The following ARFGEF3 variants were observed in gnomAD, a reference collection of about 807,000 sequenced individuals.
ARFGEF3 encodes the protein brefeldin A-inhibited guanine nucleotide-exchange protein 3.
In ARFGEF3, 96 loss-of-function variants were observed where a neutral mutation model predicts 221.7. The observed-to-expected ratio is 0.43, with a 90% confidence interval of 0.37 to 0.51. ARFGEF3 has a LOEUF of 0.51. Among genes scored for constraint, ARFGEF3 ranks in the 20% least tolerant of loss-of-function variants. The pLI, the probability that ARFGEF3 is intolerant of heterozygous loss-of-function variation, is 0.00. For missense variants in ARFGEF3, 2,410 were observed against 2,789.9 expected (o/e 0.86, Z 3.07); for synonymous variants, 1,145 against 1,126.8 (o/e 1.02, Z -0.32).
rs113417649 is a variant in ARFGEF3, at chr6:138,284,121, G to A, written c.2462-1825G>A. Among the ~76,000 whole-genome samples the A allele has an allele frequency of 5.3e-3, 800 of 152,158 alleles. 8 individuals carry two copies. The highest frequency in any genetic ancestry group is 0.018 in the African/African-American group (742 of 41,494). On this transcript the variant is annotated intron_variant, in intron 14 of 33. Transcript: ENST00000251691. ...GGAGTTAGAGGCCAGCTTGGCCTTC[G>A]TGGTGAAACCCCGTCTCTATTAAAA... is the stretch of plus-strand genomic sequence containing the variant.
chr6:138,172,193 G>A lies in ARFGEF3; in HGVS notation c.137+1480G>A, dbSNP rs578252016. Among the ~76,000 whole-genome samples the A allele has an allele frequency of 1.2e-4, 18 of 152,302 alleles. No homozygotes were observed. The South Asian group carries it at 1.2e-3, about 11-fold the overall frequency. On this transcript the variant is annotated intron_variant, in intron 2 of 33. Transcript: ENST00000251691. The stretch of plus-strand genomic sequence containing the variant: ...TCTGGCAACAACATGTTTGTCTAGC[G>A]GAGAGGTGGTGCAGCTGGGATGTCC...
Position 138,344,501 on chromosome 6 carries a change from T to C in ARFGEF3, c.*8015T>C, listed in dbSNP as rs1780481672. 6.6e-6 allele frequency: 1 copy of C among 152,208 alleles called. No homozygotes were observed. Among genetic ancestry groups the C allele is most frequent in the African/African-American group, 2.4e-5 (1 of 41,456 alleles). The allele number at this position is 152,208 out of a possible 1,614,324, so 9.4% of individuals were successfully genotyped here. ...GTCTCTGTAAGCAAGCTTGCAAGTG[T>C]ATTTTGTGTACATTTTATCTGAGGT... On this transcript the variant is annotated 3_prime_UTR_variant, in exon 34 of 34. Coordinates refer to ENST00000251691, the MANE Select transcript of ARFGEF3 (RefSeq NM_020340.5).
At chr6:138,323,211 T>C (rs896414526) in intron 29 of ARFGEF3, among the ~76,000 whole-genome samples, 27 of 152,132 alleles carry the variant, frequency 1.8e-4, no homozygotes, top group African/African-American at 6.3e-4. Context: ...ATTTTGACAA[T>C]GGAATACTGG....
intron 5 of ARFGEF3, among the ~76,000 whole-genome samples, chr6:138,232,228 T>C (rs1778206033): frequency 1.3e-5 from 2 of 152,146 alleles, no homozygotes; most frequent in Admixed American, 6.6e-5. Context: ...AAGGTGGGGC[T>C]GGGCACGGTG....
chr6:138,224,644 C>T (rs1262432065), intron 4 of ARFGEF3, among the ~76,000 whole-genome samples: 1 of 152,220 alleles, frequency 6.6e-6, no homozygotes, highest in Non-Finnish European at 1.5e-5. Context: ...GGCCCAGCTG[C>T]TCCTAGCACC....
intron 5 of ARFGEF3, among the ~76,000 whole-genome samples, chr6:138,231,427 C>T (rs1372671347): frequency 6.6e-6 from 1 of 152,140 alleles, no homozygotes; most frequent in Non-Finnish European, 1.5e-5. Context: ...GAAGCCGGCT[C>T]TACACTGCCT....
chr6:138,206,520 TTATA>T (rs760904511), intron 2 of ARFGEF3, among the ~76,000 whole-genome samples: 4 of 152,166 alleles, frequency 2.6e-5, no homozygotes, highest in Non-Finnish European at 5.9e-5. Flanking sequence ...AATGTTAAAT[TTATA>T]AATTGTTGAA....
At chr6:138,242,273 AGTC>A (rs1778405751) in intron 6 of ARFGEF3, among the ~76,000 whole-genome samples, 1 of 152,238 alleles carries the variant, frequency 6.6e-6, no homozygotes, top group African/African-American at 2.4e-5. Context: ...TCTTCTCAGT[AGTC>A]ACTGAGTTAT....
In ARFGEF3 at chr6:138,335,102, C is replaced by G. The variant is rs1239639125; in HGVS notation, c.6256C>G (p.Leu2086Val). The G allele has an allele frequency of 6.2e-7, 1 of 1,601,650 alleles. No homozygotes were observed. The highest frequency in any genetic ancestry group is 1.1e-5 in the South Asian group (1 of 88,318). ...GCATTCCTTCAGCGCAGGCCCCGAGCTGCTGCGACAGGACAAGAGGCCCCG... is the reference window on the plus strand; with the variant it reads ...GCATTCCTTCAGCGCAGGCCCCGAGGTGCTGCGACAGGACAAGAGGCCCCG... ...MRHSFSAGPE[L>V]LRQDKRPRSG... Residue 2086 changes from leucine (L) to valine (V), a missense_variant, in exon 33 of 34, where the codon CTG (leucine) becomes GTG (valine). Leu to Val is a conservative substitution (Grantham distance 32, BLOSUM62 1). This residue lies in a region of ARFGEF3 where 339 missense variants were observed against 334.9 expected (regional missense o/e 1.01). Transcript: ENST00000251691.
At chr6:138,173,376 A>G (rs568854014) in intron 2 of ARFGEF3, among the ~76,000 whole-genome samples, 1 of 152,274 alleles carries the variant, frequency 6.6e-6, no homozygotes, top group East Asian at 1.9e-4. Flanking sequence ...AGTTTGATAA[A>G]CTCTGCTCTA....
chr6:138,312,544 C>T (rs1779848575), intron 25 of ARFGEF3, among the ~76,000 whole-genome samples: 1 of 152,120 alleles, frequency 6.6e-6, no homozygotes, highest in Non-Finnish European at 1.5e-5. Flanking sequence ...TCTGCCCTCC[C>T]GGAAATACAC....
At chr6:138,275,577 T>G (rs924342181) in intron 12 of ARFGEF3, among the ~76,000 whole-genome samples, 4 of 151,772 alleles carry the variant, frequency 2.6e-5, no homozygotes, top group Non-Finnish European at 5.9e-5. Flanking sequence ...AACCCTGTCT[T>G]TACTAAAAAT....
intron 2 of ARFGEF3, among the ~76,000 whole-genome samples, chr6:138,181,049 A>G (rs1026262846): frequency 1.3e-5 from 2 of 152,246 alleles, no homozygotes; most frequent in Non-Finnish European, 2.9e-5. Flanking sequence ...TCTGTGGGCT[A>G]TCTGCCAGTT....
chr6:138,307,146 C>A, intron 22 of ARFGEF3, 107 bp from the exon 23 acceptor site: 1 of 1,184,052 alleles, frequency 8.4e-7, no homozygotes, highest in Non-Finnish European at 1.2e-6. Context: ...TTCCTTTTCA[C>A]TAAAATTAAC....
intron 32 of ARFGEF3, among the ~76,000 whole-genome samples, chr6:138,328,523 T>A (rs1780165901): frequency 6.6e-6 from 1 of 152,138 alleles, no homozygotes; most frequent in African/African-American, 2.4e-5. Flanking sequence ...CTCAATTTCC[T>A]CCTCTTATAG....
chr6:138,229,010 A>C (rs1320580883), intron 4 of ARFGEF3, among the ~76,000 whole-genome samples: 1 of 152,258 alleles, frequency 6.6e-6, no homozygotes, highest in East Asian at 1.9e-4. Context: ...TGTTCCCTAA[A>C]GGCTCTACAA....
At chr6:138,232,113 A>G (rs866908240) in intron 5 of ARFGEF3, among the ~76,000 whole-genome samples, 3 of 152,214 alleles carry the variant, frequency 2.0e-5, no homozygotes, top group African/African-American at 4.8e-5. Flanking sequence ...TTCTGTTAAT[A>G]TTAACCCCAG....
At chr6:138,218,298 G>A in intron 4 of ARFGEF3, 1 of 1,584,956 alleles carries the variant, frequency 6.3e-7, no homozygotes, top group Non-Finnish European at 8.6e-7. Flanking sequence ...TGGTAGCCTT[G>A]GGAAGTTACT....
rs368306356 is a variant in ARFGEF3 at position 138,162,073 on chromosome 6, C to T, written c.-14C>T. ...TCTCCCTGTGGGCGGCGGCCCGGCG[C>T]CTGGAAGGTCAAGATGGAAGAAATC... is the stretch of plus-strand genomic sequence containing the variant. On this transcript the variant is annotated 5_prime_UTR_variant, in exon 1 of 34. Transcript: ENST00000251691. The surrounding 1 kb of genome is among the most constrained non-coding windows in gnomAD (Gnocchi z 4.7). 36 of 1,572,566 alleles carry T rather than the reference C, an allele frequency of 2.3e-5. No homozygotes were observed. Among genetic ancestry groups the T allele is most frequent in the Admixed American group, 3.5e-5 (2 of 56,934 alleles).
Sources: allele counts gnomAD v4.1 joint callset (sites outside exome capture counted in the v4.1 genomes callset), GRCh38; gene constraint gnomAD v4.1.1; regional missense constraint gnomAD v4.1.1; non-coding constraint Gnocchi (gnomAD v3.1); transcripts MANE v1.5; gene names NCBI Gene and HGNC (gene_info 2026-07-23, HGNC 2026-07-21).